Variants in CELSR1 observed in about 807,000 individuals in gnomAD.
CELSR1 encodes the protein cadherin EGF LAG seven-pass G-type receptor 1.
CELSR1 carries 110 observed loss-of-function variants against 249.1 expected under a neutral mutation model. The ratio of observed to expected loss-of-function variants is 0.44; its 90% CI spans 0.38 to 0.52. The LOEUF (loss-of-function observed/expected upper bound fraction) is 0.52, where lower values mean the gene tolerates loss of function less well. Among genes scored for constraint, CELSR1 ranks in the 20% least tolerant of loss-of-function variants. The pLI is 0.00. For synonymous variants in CELSR1, 2,113 were observed against 1,900.0 expected, an observed-to-expected ratio of 1.11 and a Z score of -2.92; for missense variants, 4,109 against 4,296.4, an observed-to-expected ratio of 0.96 and a Z score of 1.22.
rs1429986662 is a variant in CELSR1, at chr22:46,527,255, C to T, written c.3544+6372G>A. Among the ~76,000 whole-genome samples the T allele has an allele frequency of 6.6e-6, 1 of 152,162 alleles. No individual in the cohort carries two copies. The highest frequency in any genetic ancestry group is 6.5e-5 in the Admixed American group (1 of 15,274). On this transcript the variant is annotated intron_variant, in intron 1 of 34. Coordinates refer to ENST00000674500, the MANE Select transcript of CELSR1 (RefSeq NM_001378328.1). This position sits in a 1 kb window ranked among gnomAD's most constrained non-coding sequence, Gnocchi z 5.5. ...TGTCTGACCATCTAAGCTGGCAAAGCCCTCCTCAGCCACCCCCATGCTGGA... is the reference window on the plus strand; with the variant it reads ...TGTCTGACCATCTAAGCTGGCAAAGTCCTCCTCAGCCACCCCCATGCTGGA...
rs1008996311 is a variant in CELSR1, at chr22:46,512,154, C to A, written c.3544+21473G>T. ...AACACAGCAGCAGCAAGAGTGACGG[C>A]GGCGCTCATAAGCCCTTACTAAGCG... On this transcript the variant is annotated intron_variant, in intron 1 of 34. Transcript: ENST00000674500. This position sits in a 1 kb window ranked among gnomAD's most constrained non-coding sequence, Gnocchi z 5.2. Among the ~76,000 whole-genome samples, 1 of 152,190 alleles carries A rather than the reference C, an allele frequency of 6.6e-6. No individual in the cohort carries two copies. Among genetic ancestry groups the A allele is most frequent in the Non-Finnish European group, 1.5e-5 (1 of 68,036 alleles).
intron 27 of CELSR1, 96 bp downstream of exon 27, chr22:46,369,083 T>A: frequency 2.6e-6 from 3 of 1,134,144 alleles, no homozygotes; most frequent in Non-Finnish European, 4.0e-6. Context: ...CCATGAGGCC[T>A]ACACGCTCTC....
Position 46,428,429 on chromosome 22 carries a change from C to T in CELSR1, c.4611+4964G>A, listed in dbSNP as rs7284568. Among the ~76,000 whole-genome samples the T allele has an allele frequency of 6.6e-6, 1 of 152,138 alleles. No individual in the cohort carries two copies. The highest frequency in any genetic ancestry group is 2.4e-5 in the African/African-American group (1 of 41,412). Reference sequence around the variant, plus strand: ...AGACCACCTGCTGCCCACGTAGAGGCTGCTGCCTCAAGCTCCGGCCCAGGG... The same window carrying T: ...AGACCACCTGCTGCCCACGTAGAGGTTGCTGCCTCAAGCTCCGGCCCAGGG... On this transcript the variant is annotated intron_variant, in intron 5 of 34. Coordinates refer to ENST00000674500, the MANE Select transcript of CELSR1 (RefSeq NM_001378328.1). The surrounding 1 kb of genome is among the most constrained non-coding windows in gnomAD (Gnocchi z 5.7).
rs2147782425 is a variant in CELSR1 at position 46,517,101 on chromosome 22, C to T, written c.3544+16526G>A. Among the ~76,000 whole-genome samples, 1 of 152,324 alleles carries T rather than the reference C, an allele frequency of 6.6e-6. No homozygotes were observed. Among genetic ancestry groups the T allele is most frequent in the African/African-American group, 2.4e-5 (1 of 41,574 alleles). On this transcript the variant is annotated intron_variant, in intron 1 of 34. Coordinates refer to ENST00000674500, the MANE Select transcript of CELSR1 (RefSeq NM_001378328.1). The surrounding 1 kb of genome is among the most constrained non-coding windows in gnomAD (Gnocchi z 5.4). ...TGGCTCTGGCCAGGGCAGGTTCTCACCCCAATGGATCATTCCCCTGAGGTA... is the reference window on the plus strand; with the variant it reads ...TGGCTCTGGCCAGGGCAGGTTCTCATCCCAATGGATCATTCCCCTGAGGTA...
At chr22:46,497,880 A>G (rs1203007597) in intron 1 of CELSR1, among the ~76,000 whole-genome samples, 12 of 152,188 alleles carry the variant, frequency 7.9e-5, no homozygotes, top group Admixed American at 7.9e-4. Flanking sequence ...ATCTAAGAAA[A>G]CTATGTAAAA....
chr22:46,479,337 C>T (rs940806395), intron 1 of CELSR1, among the ~76,000 whole-genome samples: 2 of 152,098 alleles, frequency 1.3e-5, no homozygotes, highest in African/African-American at 2.4e-5. Context: ...GCTCCTACCC[C>T]CGAGCCCGAA....
At chr22:46,418,598 G>A (rs907986979) in intron 5 of CELSR1, among the ~76,000 whole-genome samples, 6 of 152,208 alleles carry the variant, frequency 3.9e-5, no homozygotes, top group Non-Finnish European at 5.9e-5. Context: ...TAGCCTCTCC[G>A]CTGAACCCGC....
chr22:46,383,960 ATTTT>A (rs563923943), intron 20 of CELSR1, among the ~76,000 whole-genome samples: 2 of 147,676 alleles, frequency 1.4e-5, no homozygotes, highest in Non-Finnish European at 1.5e-5. Context: ...ACATTTTGGA[ATTTT>A]TTTTTTTTGA....
rs920979850 is a variant in CELSR1, at chr22:46,391,118, C to T, written c.6250+68G>A. 7.7e-7 allele frequency: 1 copy of T among 1,292,452 alleles called. No individual in the cohort carries two copies. The highest frequency in any genetic ancestry group is 1.1e-6 in the Non-Finnish European group (1 of 905,948). 80.1% of individuals were successfully genotyped at this position (1,292,452 alleles called of 1,614,324 possible). On this transcript the variant is annotated intron_variant, in intron 16 of 34. Transcript: ENST00000674500. The surrounding 1 kb of genome is among the most constrained non-coding windows in gnomAD (Gnocchi z 4.3). ...ACACGAAACATTCCATGAGTCCCCA[C>T]ATCTCGACTGGCTCCTCCCACAAGG... is the stretch of plus-strand genomic sequence containing the variant.
At chr22:46,451,029 T>G (rs925700076) in intron 2 of CELSR1, among the ~76,000 whole-genome samples, 1 of 152,132 alleles carries the variant, frequency 6.6e-6, no homozygotes, top group African/African-American at 2.4e-5. Context: ...GCACCCTCTG[T>G]TCACCCCTCC....
In CELSR1 at chr22:46,407,131, G is replaced by C. The variant is rs1004175076; in HGVS notation, c.5226+1865C>G. On this transcript the variant is annotated intron_variant, in intron 9 of 34. Coordinates refer to ENST00000674500, the MANE Select transcript of CELSR1 (RefSeq NM_001378328.1). The surrounding 1 kb of genome is among the most constrained non-coding windows in gnomAD (Gnocchi z 4.8). ...AAGGGAGGTCAGGAGGGAGCCCCAG[G>C]CTCACTCTGGTTGGAGATAATGAAC... 6.6e-6 allele frequency among the ~76,000 whole-genome samples: 1 copy of C among 152,200 alleles called. No homozygotes were observed. Among genetic ancestry groups the C allele is most frequent in the African/African-American group, 2.4e-5 (1 of 41,448 alleles).
intron 5 of CELSR1, among the ~76,000 whole-genome samples, chr22:46,414,671 G>A (rs1244844168): frequency 6.6e-6 from 1 of 152,150 alleles, no homozygotes; most frequent in African/African-American, 2.4e-5. Flanking sequence ...AAGTGTCACG[G>A]AGGCAGGGAG....
At chr22:46,386,328 C>T in intron 19 of CELSR1, 74 bp downstream of exon 19, 1 of 1,417,466 alleles carries the variant, frequency 7.1e-7, no homozygotes, top group Non-Finnish European at 9.3e-7. Flanking sequence ...CCTGCTTCAC[C>T]CCATGGGGGC....
chr22:46,535,392 G>A lies in CELSR1; in HGVS notation c.1779C>T (p.Asp593=). 1 of 1,610,760 alleles carries A rather than the reference G, an allele frequency of 6.2e-7. No homozygotes were observed. Among genetic ancestry groups the A allele is most frequent in the Non-Finnish European group, 8.5e-7 (1 of 1,178,902 alleles). Reference sequence around the variant, plus strand: ...AGTGCAGCCGGGCGTTCTCTCCAGAGTCCGCGTCCACCGCCTGAATGTGCA... The same window carrying A: ...AGTGCAGCCGGGCGTTCTCTCCAGAATCCGCGTCCACCGCCTGAATGTGCA... ...PVVHIQAVDA[D]SGENARLHYR... is the part of the protein sequence containing the mutation. Residue 593 remains aspartate (D), a synonymous_variant, in exon 1 of 35, where the codon GAC becomes GAT. Coordinates refer to ENST00000674500, the MANE Select transcript of CELSR1 (RefSeq NM_001378328.1).
At chr22:46,426,897 A>G (rs961824963) in intron 5 of CELSR1, among the ~76,000 whole-genome samples, 3 of 152,230 alleles carry the variant, frequency 2.0e-5, no homozygotes, top group African/African-American at 4.8e-5. Context: ...TCCAGGACTC[A>G]GAGAAATCAA....
Position 46,454,963 on chromosome 22 carries a change from GATC to G in CELSR1, c.4183+8741_4183+8743del, listed in dbSNP as rs2079930078. Among the ~76,000 whole-genome samples, 1 of 152,228 alleles carries G rather than the reference GATC, an allele frequency of 6.6e-6. No homozygotes were observed. Among genetic ancestry groups the G allele is most frequent in the South Asian group, 2.1e-4 (1 of 4,830 alleles). On this transcript the variant is annotated intron_variant, in intron 2 of 34. Coordinates refer to ENST00000674500, the MANE Select transcript of CELSR1 (RefSeq NM_001378328.1). The surrounding 1 kb of genome is among the most constrained non-coding windows in gnomAD (Gnocchi z 5.1). ...TGTAGAGGTAATCGACTTAGGATGA[GATC>G]ATTAGGGTGGGTCCTAATCCAGTGA...
At chr22:46,520,172 C>T (rs2080671088) in intron 1 of CELSR1, among the ~76,000 whole-genome samples, 1 of 151,976 alleles carries the variant, frequency 6.6e-6, no homozygotes, top group African/African-American at 2.4e-5. Flanking sequence ...CTGCGCCCAG[C>T]CCCCTATTGC....
At chr22:46,384,107 G>C (rs1043378109) in intron 20 of CELSR1, among the ~76,000 whole-genome samples, 1 of 151,844 alleles carries the variant, frequency 6.6e-6, no homozygotes. Context: ...GCTATTTTTT[G>C]TATTTTTTAG....
In CELSR1 at chr22:46,412,677, C is replaced by T. The variant is rs7291635; in HGVS notation, c.4612-918G>A. Among the ~76,000 whole-genome samples, 5,555 of 152,164 alleles carry T rather than the reference C, an allele frequency of 0.037. 329 individuals carry two copies. The highest frequency in any genetic ancestry group is 0.13 in the African/African-American group (5,236 of 41,470). On this transcript the variant is annotated intron_variant, in intron 5 of 34. Coordinates refer to ENST00000674500, the MANE Select transcript of CELSR1 (RefSeq NM_001378328.1). This position sits in a 1 kb window ranked among gnomAD's most constrained non-coding sequence, Gnocchi z 4.5. ...CTCCTGGTCAGTCCCTCCCAGGACA[C>T]GAAGCATATCCACCCAGCCAGCCTC...
Sources: gnomAD v4.1 joint callset for allele counts (sites outside exome capture counted in the v4.1 genomes callset) on GRCh38, gnomAD v4.1.1 for gene constraint, Gnocchi (gnomAD v3.1) non-coding constraint, MANE v1.5 for transcripts, NCBI Gene and HGNC (gene_info 2026-07-23, HGNC 2026-07-21) for gene names.